MAP3K7CL: variants seen among roughly 807,000 people sequenced by gnomAD.
MAP3K7CL encodes the protein MAP3K7 C-terminal like, also known as MAP3K7 C-terminal-like protein.
In MAP3K7CL, 16 loss-of-function variants were observed where a neutral mutation model predicts 18.6. That is an observed-to-expected ratio of 0.86 (90% CI 0.58 to 1.31). The LOEUF (loss-of-function observed/expected upper bound fraction) is 1.31. Among genes scored for constraint, MAP3K7CL ranks in the 50% most tolerant of loss-of-function variants. MAP3K7CL has a pLI of 0.00. For missense variants in MAP3K7CL, 163 were observed against 174.4 expected (o/e 0.93, Z 0.37); for synonymous variants, 65 against 66.8 (o/e 0.97, Z 0.13).
chr21:29,110,005 A>G (rs1477939291), intron 4 of MAP3K7CL, among the ~76,000 whole-genome samples: 1 of 152,238 alleles, frequency 6.6e-6, no homozygotes, highest in African/African-American at 2.4e-5. Context: ...ACAATGCTGT[A>G]TAAAGTGATA....
chr21:29,107,611 G>A (rs571465089), intron 4 of MAP3K7CL, among the ~76,000 whole-genome samples: 13 of 152,260 alleles, frequency 8.5e-5, no homozygotes, highest in African/African-American at 3.1e-4. Flanking sequence ...CCTGTCTTTG[G>A]AAGTTGTCAC....
intron 4 of MAP3K7CL, among the ~76,000 whole-genome samples, chr21:29,096,075 G>A (rs2086116575): frequency 6.6e-6 from 1 of 152,222 alleles, no homozygotes; most frequent in African/African-American, 2.4e-5. Context: ...TGGATTAGGA[G>A]TTGAAAGTCA....
intron 3 of MAP3K7CL, among the ~76,000 whole-genome samples, chr21:29,157,599 G>A (rs150676498): frequency 2.0e-4 from 31 of 152,290 alleles, no homozygotes; most frequent in East Asian, 1.9e-3. Context: ...TAGATAGCAT[G>A]ATCATGCTGC....
upstream of MAP3K7CL, among the ~76,000 whole-genome samples, chr21:29,081,366 G>A (rs1304717700): frequency 6.6e-6 from 1 of 152,164 alleles, no homozygotes; most frequent in Non-Finnish European, 1.5e-5. Flanking sequence ...TGGCTAACAC[G>A]GTGAAACCCT....
intron 4 of MAP3K7CL, among the ~76,000 whole-genome samples, chr21:29,118,859 C>T (rs763880727): frequency 2.0e-5 from 3 of 152,200 alleles, no homozygotes; most frequent in South Asian, 2.1e-4. Flanking sequence ...GTTGTGCATG[C>T]GCATATGTTA....
intron 1 of MAP3K7CL, chr21:29,091,423 T>G (rs1336219189): frequency 1.6e-6 from 1 of 614,808 alleles, no homozygotes; most frequent in Middle Eastern, 4.3e-4. Context: ...GGTATAGCTC[T>G]TAATAAAAGT....
chr21:29,081,548 G>A (rs1281918355), upstream of MAP3K7CL, among the ~76,000 whole-genome samples: 2 of 151,734 alleles, frequency 1.3e-5, no homozygotes, highest in East Asian at 1.9e-4. Flanking sequence ...GCGAGACTCC[G>A]TCTCAAAAAA....
At chr21:29,155,588 G>A (rs772806428) in intron 3 of MAP3K7CL, among the ~76,000 whole-genome samples, 32 of 152,182 alleles carry the variant, frequency 2.1e-4, no homozygotes, top group Non-Finnish European at 5.9e-5. Context: ...TGTGGCTCAA[G>A]CCGGCATTCT....
rs75932121 is a variant in MAP3K7CL at position 29,119,098 on chromosome 21, C to T, written c.370+26517C>T. The stretch of plus-strand genomic sequence containing the variant: ...GGATGAGGATTTGGCTCTCTCCCTG[C>T]ATCCCCACACCATCCCACACACAAA... On this transcript the variant is annotated intron_variant, in intron 4 of 6. Transcript: ENST00000286791. Among the ~76,000 whole-genome samples the T allele has an allele frequency of 1.4e-3, 208 of 152,336 alleles. 1 individual carries two copies. The highest frequency in any genetic ancestry group is 4.7e-3 in the African/African-American group (196 of 41,578).
intron 4 of MAP3K7CL, among the ~76,000 whole-genome samples, chr21:29,105,788 A>G (rs1193783768): frequency 1.3e-5 from 2 of 152,180 alleles, no homozygotes; most frequent in African/African-American, 4.8e-5. Context: ...ATTGTATGGG[A>G]CTAAGGTGAG....
At chr21:29,149,306 G>A (rs1021417308) in intron 3 of MAP3K7CL, 56 bp downstream of exon 3, 12 of 1,504,200 alleles carry the variant, frequency 8.0e-6, no homozygotes, top group Middle Eastern at 1.7e-4. Flanking sequence ...AAAGTATAGC[G>A]AGCTGGGCAG....
chr21:29,130,951 T>C (rs895662909), intron 1 of MAP3K7CL, 28 bp downstream of exon 1: 1 of 978,840 alleles, frequency 1.0e-6, no homozygotes, highest in African/African-American at 1.8e-5. Flanking sequence ...AAAACTGAAC[T>C]AAATGCTCAG....
At chr21:29,112,809 C>A (rs1318337015) in intron 4 of MAP3K7CL, among the ~76,000 whole-genome samples, 1 of 152,012 alleles carries the variant, frequency 6.6e-6, no homozygotes, top group Non-Finnish European at 1.5e-5. Flanking sequence ...GCAAACGAGA[C>A]CTTTGGAAAT....
intron 2 of MAP3K7CL, among the ~76,000 whole-genome samples, chr21:29,138,508 A>G (rs1205042788): frequency 6.6e-6 from 1 of 152,212 alleles, no homozygotes; most frequent in Non-Finnish European, 1.5e-5. Context: ...TGTCAATTAT[A>G]TGAGACTTTT....
chr21:29,173,129 T>C (rs2087883385), intron 4 of MAP3K7CL, among the ~76,000 whole-genome samples: 1 of 152,132 alleles, frequency 6.6e-6, no homozygotes, highest in Admixed American at 6.5e-5. Context: ...AACACAACTG[T>C]AAAACATCAG....
chr21:29,081,197 T>G (rs1185597118), upstream of MAP3K7CL, among the ~76,000 whole-genome samples: 1 of 152,216 alleles, frequency 6.6e-6, no homozygotes, highest in African/African-American at 2.4e-5. Context: ...TTCATAGTTT[T>G]GCTGATTAAA....
intron 2 of MAP3K7CL, among the ~76,000 whole-genome samples, chr21:29,141,139 C>T (rs2086997694): frequency 6.6e-6 from 1 of 152,106 alleles, no homozygotes; most frequent in Non-Finnish European, 1.5e-5. Flanking sequence ...CTAAGTCAGT[C>T]AAAATATTCT....
intron 2 of MAP3K7CL, among the ~76,000 whole-genome samples, chr21:29,137,764 T>C (rs548625522): frequency 6.6e-6 from 1 of 152,142 alleles, no homozygotes; most frequent in Non-Finnish European, 1.5e-5. Flanking sequence ...CATAGGGTAC[T>C]GTTTAGATAG....
At chr21:29,078,380 G>A (rs1243920072) in intron 1 of MAP3K7CL, among the ~76,000 whole-genome samples, 1 of 151,804 alleles carries the variant, frequency 6.6e-6, no homozygotes, top group East Asian at 1.9e-4. Flanking sequence ...GGCTTAAGAG[G>A]GCACAATAAT....
Sources: allele counts gnomAD v4.1 joint callset (sites outside exome capture counted in the v4.1 genomes callset), GRCh38; gene constraint gnomAD v4.1.1; transcripts MANE v1.5; gene names NCBI Gene and HGNC (gene_info 2026-07-23, HGNC 2026-07-21).